The following SPAG17 variants were observed in gnomAD, a reference collection of about 807,000 sequenced individuals.
The protein encoded by SPAG17 is sperm-associated antigen 17.
A neutral mutation model predicts 273.6 loss-of-function variants in SPAG17; 169 were observed. That is an observed-to-expected ratio of 0.62 (90% CI 0.55 to 0.70). SPAG17 has a LOEUF of 0.70. Ranked by LOEUF, SPAG17 falls within the 30% of genes least tolerant of loss-of-function variation. The pLI is 0.00. For missense variants in SPAG17, 2,557 were observed against 2,627.8 expected, an observed-to-expected ratio of 0.97 and a Z score of 0.59; for synonymous variants, 825 against 873.2, an observed-to-expected ratio of 0.94 and a Z score of 0.97.
At chr1:118,171,574 A>G (rs1049780021) in intron 1 of SPAG17, among the ~76,000 whole-genome samples, 3 of 152,186 alleles carry the variant, frequency 2.0e-5, no homozygotes, top group East Asian at 1.9e-4. Flanking sequence ...TCAGAGGATA[A>G]AAGATTTACT....
At chr1:118,158,508 A>G (rs1372352101) in intron 1 of SPAG17, among the ~76,000 whole-genome samples, 1 of 152,216 alleles carries the variant, frequency 6.6e-6, no homozygotes, top group East Asian at 1.9e-4. Flanking sequence ...TATTAATCTG[A>G]TCAATTTTGG....
intron 1 of SPAG17, among the ~76,000 whole-genome samples, chr1:118,171,827 G>A (rs1057379932): frequency 2.0e-5 from 3 of 151,974 alleles, no homozygotes; most frequent in African/African-American, 2.4e-5. Context: ...TGTTATGATC[G>A]TCACAACTTA....
intron 4 of SPAG17, among the ~76,000 whole-genome samples, chr1:118,113,711 A>G (rs907102332): frequency 1.3e-5 from 2 of 152,158 alleles, no homozygotes; most frequent in African/African-American, 2.4e-5. Context: ...TTCATGCCCC[A>G]GTTACCCAGG....
At chr1:118,078,964 A>G (rs898856310) in intron 15 of SPAG17, among the ~76,000 whole-genome samples, 5 of 152,080 alleles carry the variant, frequency 3.3e-5, no homozygotes, top group African/African-American at 1.2e-4. Flanking sequence ...CAGTTTTCCT[A>G]TGTTTTATTT....
intron 1 of SPAG17, among the ~76,000 whole-genome samples, chr1:118,180,448 G>A (rs1179337189): frequency 1.3e-5 from 2 of 152,012 alleles, no homozygotes; most frequent in Non-Finnish European, 2.9e-5. Context: ...GAAAAGTAGC[G>A]AAGCCAGGGC....
At chr1:118,171,675 A>G (rs924802987) in intron 1 of SPAG17, among the ~76,000 whole-genome samples, 12 of 152,194 alleles carry the variant, frequency 7.9e-5, no homozygotes, top group Admixed American at 1.3e-4. Flanking sequence ...AAGTTTAAGT[A>G]TTAATAGAAA....
chr1:118,118,305 G>A (rs762328276), intron 3 of SPAG17, among the ~76,000 whole-genome samples: 6 of 152,166 alleles, frequency 3.9e-5, no homozygotes, highest in Admixed American at 6.5e-5. Context: ...ATAAGTGTGC[G>A]TACCTGTGCA....
chr1:117,996,818 G>T, intron 32 of SPAG17, 75 bp from the exon 33 acceptor site: 1 of 1,418,786 alleles, frequency 7.0e-7, no homozygotes, highest in Non-Finnish European at 9.4e-7. Context: ...TTCAATTTGA[G>T]AAAACAGATG....
intron 17 of SPAG17, among the ~76,000 whole-genome samples, chr1:118,072,924 CTATT>C (rs1010363874): frequency 2.0e-5 from 3 of 151,668 alleles, no homozygotes; most frequent in African/African-American, 7.3e-5. Context: ...AATATACTTG[CTATT>C]TAGAGATCAC....
At chr1:118,144,431 C>T (rs1658857093) in intron 3 of SPAG17, among the ~76,000 whole-genome samples, 1 of 152,176 alleles carries the variant, frequency 6.6e-6, no homozygotes, top group African/African-American at 2.4e-5. Flanking sequence ...TTTCCTTCTT[C>T]GGGTAAGAAA....
intron 1 of SPAG17, among the ~76,000 whole-genome samples, chr1:118,170,061 T>C (rs1313231088): frequency 1.3e-5 from 2 of 152,192 alleles, no homozygotes; most frequent in Non-Finnish European, 2.9e-5. Context: ...ATAATCATCC[T>C]ATGTATCTGC....
chr1:118,168,598 G>T (rs1660281499), intron 1 of SPAG17, among the ~76,000 whole-genome samples: 1 of 152,148 alleles, frequency 6.6e-6, no homozygotes, highest in African/African-American at 2.4e-5. Context: ...AGCAAGGAGA[G>T]AATTCAAAAT....
At chr1:118,015,271 CAAAAA>C (rs757554740) in intron 29 of SPAG17, among the ~76,000 whole-genome samples, 2 of 80,168 alleles carry the variant, frequency 2.5e-5, no homozygotes, top group Non-Finnish European at 2.7e-5. Flanking sequence ...ACCTCTGTGT[CAAAAA>C]AAAAAAAAAA....
chr1:118,064,481 C>A (rs917367487), intron 18 of SPAG17, among the ~76,000 whole-genome samples: 7 of 150,248 alleles, frequency 4.7e-5, no homozygotes, highest in Middle Eastern at 3.2e-3. Flanking sequence ...CAAACTATCA[C>A]AAGGACAAAG....
At chr1:118,015,193 G>A (rs2101797700) in intron 29 of SPAG17, among the ~76,000 whole-genome samples, 1 of 151,628 alleles carries the variant, frequency 6.6e-6, no homozygotes, top group Admixed American at 6.6e-5. Flanking sequence ...GCTGAGGCAG[G>A]AGAATTGCTT....
intron 3 of SPAG17, among the ~76,000 whole-genome samples, chr1:118,138,904 T>A (rs1366304127): frequency 6.6e-6 from 1 of 152,138 alleles, no homozygotes; most frequent in East Asian, 1.9e-4. Flanking sequence ...TGATATCTCT[T>A]CTTAGATACC....
intron 20 of SPAG17, among the ~76,000 whole-genome samples, chr1:118,051,929 AAT>A (rs1229916147): frequency 3.0e-5 from 4 of 134,252 alleles, no homozygotes; most frequent in Non-Finnish European, 4.6e-5. Context: ...AAACTATTAT[AAT>A]ATATATAATA....
Position 117,984,671 on chromosome 1 carries a change from A to G in SPAG17, c.5769+12T>C. ...AACTTTTATTAGATTATAGTTCATT[A>G]TATTCAATTACCTGAGACTGATATA... On this transcript the variant is annotated intron_variant, in intron 41 of 48. Coordinates refer to ENST00000336338, the MANE Select transcript of SPAG17 (RefSeq NM_206996.4). 1 of 1,510,744 alleles carries G rather than the reference A, an allele frequency of 6.6e-7. No homozygotes were observed. The highest frequency in any genetic ancestry group is 9.1e-7 in the Non-Finnish European group (1 of 1,094,442). The allele number at this position is 1,510,744 out of a possible 1,614,324, so 93.6% of individuals were successfully genotyped here.
intron 1 of SPAG17, among the ~76,000 whole-genome samples, chr1:118,178,672 T>C (rs1008143184): frequency 7.9e-5 from 12 of 152,064 alleles, no homozygotes; most frequent in Non-Finnish European, 1.6e-4. Flanking sequence ...CATGATTTCA[T>C]ACTTAGAAAA....
Sources: gnomAD v4.1 joint callset for allele counts (sites outside exome capture counted in the v4.1 genomes callset) on GRCh38, gnomAD v4.1.1 for gene constraint, MANE v1.5 for transcripts, NCBI Gene and HGNC (gene_info 2026-07-23, HGNC 2026-07-21) for gene names.